The following LONRF2 variants were observed in gnomAD, a reference collection of about 807,000 sequenced individuals.
LONRF2 encodes the protein LON peptidase N-terminal domain and RING finger protein 2.
LONRF2 carries 35 observed loss-of-function variants against 66.6 expected under a neutral mutation model. The observed-to-expected ratio is 0.53, with a 90% CI of 0.40 to 0.70. The LOEUF (loss-of-function observed/expected upper bound fraction) is 0.70. LONRF2 is among the 30% of genes least tolerant of loss of function. The pLI is 0.00. For missense variants in LONRF2, 902 were observed against 1,002.1 expected, an observed-to-expected ratio of 0.90 and a Z score of 1.35; for synonymous variants, 417 against 418.1, an observed-to-expected ratio of 1.00 and a Z score of 0.03.
chr2:100,316,274 G>A (rs187006403), intron 1 of LONRF2, among the ~76,000 whole-genome samples: 23 of 141,854 alleles, frequency 1.6e-4, no homozygotes, highest in Non-Finnish European at 2.4e-4. Context: ...TGCTGAGATC[G>A]TGCCACTGCA....
intron 11 of LONRF2, 72 bp from the exon 12 acceptor site, chr2:100,284,564 C>G: frequency 7.8e-7 from 1 of 1,284,876 alleles, no homozygotes; most frequent in Non-Finnish European, 1.0e-6. Context: ...CAGTCTTTTG[C>G]TCCACCAACA....
In LONRF2 at chr2:100,321,961, G is replaced by A; in HGVS notation, c.133C>T (p.Leu45Phe). 1.0e-5 allele frequency: 15 copies of A among 1,467,536 alleles called. No individual in the cohort carries two copies. The highest frequency in any genetic ancestry group is 1.3e-5 in the Non-Finnish European group (15 of 1,111,204). 90.9% of individuals were successfully genotyped at this position (1,467,536 alleles called of 1,614,324 possible). A position where few individuals can be genotyped will look rare whatever the true frequency, so the allele number is the denominator to read the frequency against. Residue 45 changes from leucine to phenylalanine, a missense_variant, in exon 1 of 12, where the codon CTC becomes TTC. Around this residue, in one of 2 missense-constraint regions of LONRF2, gnomAD observed 585 missense variants for 569.9 expected, o/e 1.03. Coordinates refer to ENST00000393437, the MANE Select transcript of LONRF2 (RefSeq NM_198461.4). The part of the protein sequence containing the change: ...RAGDYEMAAE[L>F]FRSMLAGLAQ... ...AGCCCGGCTAGCATGGAGCGAAAGA[G>A]CTCGGCTGCCATCTCGTAGTCGCCC...
chr2:100,320,978 C>T (rs1032678601), intron 1 of LONRF2, among the ~76,000 whole-genome samples: 6 of 152,172 alleles, frequency 3.9e-5, no homozygotes, highest in African/African-American at 2.4e-5. Context: ...GGAGGCGGTT[C>T]CTTCCTGGCT....
At chr2:100,321,336 G>T in intron 1 of LONRF2, 79 bp downstream of exon 1, 1 of 1,232,292 alleles carries the variant, frequency 8.1e-7, no homozygotes, top group Non-Finnish European at 1.1e-6. Flanking sequence ...CAAAGCCTCG[G>T]GCCCACCGGC....
rs771704410 is a variant in LONRF2, at chr2:100,295,499, G to A, written c.1531C>T (p.Arg511Ter). Reference protein sequence around the residue: ...ITVLAEELIFRYLPDELSDRK... With the variant: ...ITVLAEELIF ...TCAGACAATTCATCCGGCAAATATC[G>A]AAATATTAATTCTTCGGCCAGAACA... Residue 511 changes from arginine (R) to a stop codon, truncating the protein, a stop_gained, in exon 8 of 12, where the codon CGA becomes TGA. Transcript: ENST00000393437. LOFTEE classifies it high-confidence loss of function. 8 of 1,613,308 alleles carry A rather than the reference G, an allele frequency of 5.0e-6. No homozygotes were observed. The highest frequency in any genetic ancestry group is 3.3e-5 in the Admixed American group (2 of 59,960).
intron 1 of LONRF2, among the ~76,000 whole-genome samples, chr2:100,319,953 C>G (rs1375925640): frequency 6.6e-6 from 1 of 152,218 alleles, no homozygotes; most frequent in African/African-American, 2.4e-5. Context: ...ATAAATATCA[C>G]AGTTTTCATT....
chr2:100,281,748 T>C lies in LONRF2; in HGVS notation c.*2550A>G, dbSNP rs1674741408. The C allele has an allele frequency of 6.6e-6, 1 of 152,170 alleles. No homozygotes were observed. The highest frequency in any genetic ancestry group is 2.4e-5 in the African/African-American group (1 of 41,434). The allele number at this position is 152,170 out of a possible 1,614,324, so 9.4% of individuals were successfully genotyped here. ...CAATTAAGCTGGAATGTCCTGACAT[T>C]GAATGAGAGATTACATTATTTTCTG... is the stretch of plus-strand genomic sequence containing the variant. On this transcript the variant is annotated 3_prime_UTR_variant, in exon 12 of 12. Transcript: ENST00000393437.
chr2:100,288,982 T>C (rs1674901341), intron 10 of LONRF2, among the ~76,000 whole-genome samples: 1 of 152,204 alleles, frequency 6.6e-6, no homozygotes, highest in Admixed American at 6.5e-5. Context: ...TTTTGCTAAT[T>C]TGTCAAATTA....
chr2:100,284,304 AT>A lies in LONRF2; in HGVS notation c.2258del (p.Asn753IlefsTer54). 6.6e-7 allele frequency: 1 copy of A among 1,525,926 alleles called. No homozygotes were observed. Among genetic ancestry groups the A allele is most frequent in the Non-Finnish European group, 8.8e-7 (1 of 1,130,552 alleles). 94.5% of individuals were successfully genotyped at this position (1,525,926 alleles called of 1,614,324 possible). A position where few individuals can be genotyped will look rare whatever the true frequency, so the allele number is the denominator to read the frequency against. ...ACCTTGACAGAGAGAAAAATCAATTATTTCTCTCCCTGGCATTAGCCAGCTC... is the reference window on the plus strand; with the variant it reads ...ACCTTGACAGAGAGAAAAATCAATTATTCTCTCCCTGGCATTAGCCAGCTC... The part of the protein sequence containing the change: ...RQELANARER[N>X]N On this transcript the variant is annotated frameshift_variant, in exon 12 of 12. Coordinates refer to ENST00000393437, the MANE Select transcript of LONRF2 (RefSeq NM_198461.4). LOFTEE classifies it high-confidence loss of function.
chr2:100,321,439 T>C lies in LONRF2; in HGVS notation c.655A>G (p.Arg219Gly). 6.7e-7 allele frequency: 1 copy of C among 1,491,214 alleles called. No homozygotes were observed. Among genetic ancestry groups the C allele is most frequent in the South Asian group, 1.3e-5 (1 of 78,552 alleles). 92.4% of individuals were successfully genotyped at this position (1,491,214 alleles called of 1,614,324 possible). Residue 219 changes from arginine to glycine, a missense_variant, in exon 1 of 12, where the codon AGG becomes GGG. By Grantham distance (125) the Arg-to-Gly change is moderately radical. Transcript: ENST00000393437. ...CCCAGCTCCAGGGCCTGGTCGCACC[T>C]GAGCAGCGCGGCCTCCGGCTGCTGC... ...RQQQPEAALL[R>G]CDQALELAPD...
chr2:100,296,525 G>A (rs1017578469), intron 7 of LONRF2, among the ~76,000 whole-genome samples: 5 of 152,126 alleles, frequency 3.3e-5, no homozygotes, highest in Non-Finnish European at 5.9e-5. Context: ...ATGGCTCCAC[G>A]TATTTCCAAC....
intron 11 of LONRF2, among the ~76,000 whole-genome samples, chr2:100,286,677 T>A (rs1674851339): frequency 6.6e-6 from 1 of 152,248 alleles, no homozygotes; most frequent in Non-Finnish European, 1.5e-5. Flanking sequence ...CCAAGCAGAA[T>A]AAACTGATTG....
At chr2:100,312,419 A>T (rs1675427754) in intron 1 of LONRF2, among the ~76,000 whole-genome samples, 1 of 151,884 alleles carries the variant, frequency 6.6e-6, no homozygotes, top group Non-Finnish European at 1.5e-5. Flanking sequence ...AACTAACTCA[A>T]TTTTTTTCTG....
intron 11 of LONRF2, among the ~76,000 whole-genome samples, chr2:100,285,126 A>G (rs1674819369): frequency 6.6e-6 from 1 of 152,254 alleles, no homozygotes; most frequent in Admixed American, 6.5e-5. Flanking sequence ...TGGAACCAAG[A>G]TATCCAGGCC....
chr2:100,311,248 T>A (rs1034840750), intron 1 of LONRF2, among the ~76,000 whole-genome samples: 3 of 152,068 alleles, frequency 2.0e-5, no homozygotes, highest in Non-Finnish European at 2.9e-5. Context: ...CATTTTGAAA[T>A]ATACAATTCT....
At chr2:100,299,182 G>A in intron 6 of LONRF2, 44 bp downstream of exon 6, 1 of 1,394,998 alleles carries the variant, frequency 7.2e-7, no homozygotes, top group Non-Finnish European at 9.8e-7. Flanking sequence ...ATTTCAGAAA[G>A]GCTGCAGTTT....
chr2:100,293,058 C>A (rs1674993966), intron 9 of LONRF2, among the ~76,000 whole-genome samples: 1 of 152,182 alleles, frequency 6.6e-6, no homozygotes, highest in Non-Finnish European at 1.5e-5. Context: ...GAATGTTCTC[C>A]TGTTTGTTCA....
intron 2 of LONRF2, among the ~76,000 whole-genome samples, chr2:100,308,018 G>C (rs968681112): frequency 6.6e-6 from 1 of 152,028 alleles, no homozygotes. Flanking sequence ...TTCCATCCTT[G>C]GGCTTATCCC....
intron 2 of LONRF2, among the ~76,000 whole-genome samples, chr2:100,304,623 C>CTATT (rs1559179997): frequency 1.1e-5 from 1 of 92,356 alleles, no homozygotes; most frequent in Non-Finnish European, 2.1e-5. Flanking sequence ...TTTTAGTTGA[C>CTATT]TGTTTTTTTT....
Sources: allele counts gnomAD v4.1 joint callset (sites outside exome capture counted in the v4.1 genomes callset), GRCh38; gene constraint gnomAD v4.1.1; regional missense constraint gnomAD v4.1.1; transcripts MANE v1.5; gene names NCBI Gene and HGNC (gene_info 2026-07-23, HGNC 2026-07-21).